THSD4: variants seen among roughly 807,000 people sequenced by gnomAD.
THSD4 encodes thrombospondin type 1 domain containing 4.
In THSD4, 69 loss-of-function variants were observed where a neutral mutation model predicts 119.0. The ratio of observed to expected loss-of-function variants is 0.58; its 90% CI spans 0.48 to 0.71. THSD4 has a LOEUF of 0.71. Ranked by LOEUF, THSD4 falls within the 30% of genes least tolerant of loss-of-function variation. The pLI is 0.00. For synonymous variants in THSD4, 524 were observed against 540.4 expected (o/e 0.97, Z 0.42); for missense variants, 1,393 against 1,391.1 (o/e 1.00, Z -0.02).
At chr15:71,605,291 A>G (rs187918029) in intron 7 of THSD4, among the ~76,000 whole-genome samples, 34 of 152,306 alleles carry the variant, frequency 2.2e-4, no homozygotes, top group African/African-American at 8.2e-4. Context: ...TACTGTCCTA[A>G]TATTATTATC....
At position 71,109,322 on chromosome 15, in the gene THSD4, T is replaced by A. The variant is rs940958069; in HGVS notation, c.-80+12316T>A. Among the ~76,000 whole-genome samples the A allele has an allele frequency of 2.6e-5, 4 of 152,314 alleles. No homozygotes were observed. The South Asian group carries it at 8.3e-4, about 32-fold the overall frequency. On this transcript the variant is annotated intron_variant, in intron 1 of 17. Transcript: ENST00000355327. ...TAGAGCTGCATGGTAATTCTCTGCA[T>A]TACAGGGAATAAAAGAAGCTATTCC...
At chr15:71,455,116 G>A (rs2047320048) in intron 7 of THSD4, among the ~76,000 whole-genome samples, 1 of 152,230 alleles carries the variant, frequency 6.6e-6, no homozygotes, top group Admixed American at 6.5e-5. Context: ...CTGGGCCAAG[G>A]CATCTTTTGT....
At chr15:71,579,730 G>C (rs566801186) in intron 7 of THSD4, among the ~76,000 whole-genome samples, 70 of 152,184 alleles carry the variant, frequency 4.6e-4, no homozygotes, top group African/African-American at 1.6e-3. Flanking sequence ...CAAAATATTG[G>C]AGACACCATG....
intron 3 of THSD4, among the ~76,000 whole-genome samples, chr15:71,174,207 G>C (rs1254681141): frequency 6.6e-6 from 1 of 152,158 alleles, no homozygotes; most frequent in Admixed American, 6.5e-5. Flanking sequence ...CGCAGAAGAC[G>C]GGTGATTTCT....
chr15:71,561,863 AACACACACAC>A lies in THSD4; in HGVS notation c.1153-98619_1153-98610del, dbSNP rs71154780. On this transcript the variant is annotated intron_variant, in intron 7 of 17. Coordinates refer to ENST00000261862, the MANE Select transcript of THSD4 (RefSeq NM_024817.3). ...TGGACCCAGGACTCCTTTTAAAATA[AACACACACAC>A]ACACACACACACACACACACACACA... Among the ~76,000 whole-genome samples, 1,160 of 130,418 alleles carry A rather than the reference AACACACACAC, an allele frequency of 8.9e-3. 12 individuals are homozygous for A. The highest frequency in any genetic ancestry group is 0.035 in the South Asian group (131 of 3,726). 85.6% of individuals were successfully genotyped at this position (130,418 alleles called of 152,430 possible). A position where few individuals can be genotyped will look rare whatever the true frequency, so the allele number is the denominator to read the frequency against.
At chr15:71,242,557 A>G (rs900052181) in intron 4 of THSD4, 92 bp from the exon 5 acceptor site, 1 of 1,369,482 alleles carries the variant, frequency 7.3e-7, no homozygotes, top group African/African-American at 1.4e-5. Flanking sequence ...TTCCGTTCCT[A>G]CCTGGTCCTC....
intron 7 of THSD4, among the ~76,000 whole-genome samples, chr15:71,651,711 A>T (rs533657062): frequency 7.2e-5 from 11 of 152,230 alleles, no homozygotes; most frequent in Non-Finnish European, 1.6e-4. Flanking sequence ...AACATGGCAG[A>T]AACTTGCACA....
chr15:71,558,070 G>A (rs986196669), intron 7 of THSD4, among the ~76,000 whole-genome samples: 4 of 152,100 alleles, frequency 2.6e-5, no homozygotes, highest in Non-Finnish European at 5.9e-5. Flanking sequence ...GCTCACACCT[G>A]TAATCCCAGC....
intron 7 of THSD4, among the ~76,000 whole-genome samples, chr15:71,601,352 A>C (rs980504501): frequency 1.3e-5 from 2 of 152,140 alleles, no homozygotes; most frequent in Admixed American, 6.5e-5. Flanking sequence ...TAGCAGCTAG[A>C]GAAAGCACTC....
chr15:71,383,676 G>A (rs1320116712), intron 6 of THSD4, among the ~76,000 whole-genome samples: 1 of 151,984 alleles, frequency 6.6e-6, no homozygotes, highest in Non-Finnish European at 1.5e-5. Context: ...GTGTATAGTC[G>A]GCCCTCTGTA....
At chr15:71,644,045 TG>T (rs1403635098) in intron 7 of THSD4, among the ~76,000 whole-genome samples, 5 of 152,230 alleles carry the variant, frequency 3.3e-5, no homozygotes, top group Non-Finnish European at 7.3e-5. Flanking sequence ...AGTAGAGCCT[TG>T]GAATAGCTTG....
At chr15:71,526,927 C>T (rs1387424622) in intron 7 of THSD4, among the ~76,000 whole-genome samples, 1 of 152,136 alleles carries the variant, frequency 6.6e-6, no homozygotes, top group Non-Finnish European at 1.5e-5. Flanking sequence ...AGTGTCATGT[C>T]AAGTTAGTAT....
chr15:71,258,791 A>T (rs987469864), intron 6 of THSD4, among the ~76,000 whole-genome samples: 4 of 152,174 alleles, frequency 2.6e-5, no homozygotes, highest in African/African-American at 4.8e-5. Flanking sequence ...TTGCAGATGT[A>T]ATCAGTTATG....
intron 8 of THSD4, among the ~76,000 whole-genome samples, chr15:71,718,305 A>G (rs2052648757): frequency 6.6e-6 from 1 of 152,160 alleles, no homozygotes; most frequent in African/African-American, 2.4e-5. Context: ...ACCCATTGAC[A>G]AAATTAGCCT....
chr15:71,246,466 A>G (rs548222110), intron 5 of THSD4, among the ~76,000 whole-genome samples: 24 of 152,328 alleles, frequency 1.6e-4, no homozygotes, highest in African/African-American at 5.8e-4. Flanking sequence ...CGAGATTGCC[A>G]AGAGACCCAA....
intron 7 of THSD4, among the ~76,000 whole-genome samples, chr15:71,580,484 G>A (rs2049537429): frequency 6.6e-6 from 1 of 152,134 alleles, no homozygotes; most frequent in Non-Finnish European, 1.5e-5. Context: ...TTGTGTGGGT[G>A]TGTGTGGTGA....
At chr15:71,102,012 C>T (rs183231563) in intron 1 of THSD4, among the ~76,000 whole-genome samples, 65 of 152,190 alleles carry the variant, frequency 4.3e-4, no homozygotes, top group African/African-American at 1.4e-3. Context: ...TGTGGAGGGC[C>T]GATAATTCTT....
intron 7 of THSD4, among the ~76,000 whole-genome samples, chr15:71,578,810 T>C (rs1217062754): frequency 2.2e-5 from 3 of 137,100 alleles, no homozygotes; most frequent in Non-Finnish European, 3.4e-5. Flanking sequence ...TTTGCATACA[T>C]TAATTTGACT....
intron 6 of THSD4, among the ~76,000 whole-genome samples, chr15:71,325,755 A>G (rs1008058696): frequency 6.6e-6 from 1 of 152,180 alleles, no homozygotes; most frequent in Non-Finnish European, 1.5e-5. Context: ...GATTAGTCAG[A>G]GGAAATGCTA....
Sources: allele counts gnomAD v4.1 joint callset (sites outside exome capture counted in the v4.1 genomes callset), GRCh38; gene constraint gnomAD v4.1.1; transcripts MANE v1.5; gene names NCBI Gene and HGNC (gene_info 2026-07-23, HGNC 2026-07-21).